The following YAP1 variants were observed in gnomAD, a reference collection of about 807,000 sequenced individuals.
YAP1 encodes Yes1 associated transcriptional regulator.
A neutral mutation model predicts 56.9 loss-of-function variants in YAP1; 5 were observed. The observed-to-expected ratio is 0.09, with a 90% CI of 0.05 to 0.18. The LOEUF (loss-of-function observed/expected upper bound fraction) is 0.18. Ranked by LOEUF, YAP1 falls within the 10% of genes least tolerant of loss-of-function variation. YAP1 has a pLI of 1.00. For missense variants in YAP1, 539 were observed against 651.8 expected (o/e 0.83, Z 1.88); for synonymous variants, 265 against 248.1 (o/e 1.07, Z -0.64).
intron 2 of YAP1, among the ~76,000 whole-genome samples, chr11:102,121,512 A>G (rs1228378503): frequency 6.6e-6 from 1 of 151,942 alleles, no homozygotes; most frequent in African/African-American, 2.4e-5. Flanking sequence ...AGCGTGATGC[A>G]ATCCTGCAAT....
chr11:102,180,698 AAAAAG>A (rs1947552003), intron 3 of YAP1, among the ~76,000 whole-genome samples: 1 of 150,886 alleles, frequency 6.6e-6, no homozygotes, highest in East Asian at 1.9e-4. Context: ...AAAAAAAAAA[AAAAAG>A]AAGATCAAAA....
intron 2 of YAP1, among the ~76,000 whole-genome samples, chr11:102,119,498 T>C (rs1377055625): frequency 6.6e-6 from 1 of 152,044 alleles, no homozygotes; most frequent in Non-Finnish European, 1.5e-5. Flanking sequence ...AGTTTAAATG[T>C]AGCAGACTCA....
Position 102,161,883 on chromosome 11 carries a change from C to G in YAP1, c.573-573C>G, listed in dbSNP as rs376349438. Among the ~76,000 whole-genome samples the G allele has an allele frequency of 1.6e-4, 25 of 152,204 alleles. No individual in the cohort carries two copies. In the South Asian group the frequency reaches 2.5e-3, roughly 15 times the overall value. Reference sequence around the variant, plus strand: ...TAACAATTATGTAGAAAATGTTCAGCAAACATCAAAGGGCTTTGTGTAAGA... The same window carrying G: ...TAACAATTATGTAGAAAATGTTCAGGAAACATCAAAGGGCTTTGTGTAAGA... On this transcript the variant is annotated intron_variant, in intron 2 of 8. Transcript: ENST00000282441.
intron 2 of YAP1, among the ~76,000 whole-genome samples, chr11:102,121,575 A>G (rs1243588790): frequency 2.6e-5 from 4 of 152,062 alleles, no homozygotes; most frequent in African/African-American, 9.7e-5. Flanking sequence ...ATGCATCCAT[A>G]CTGTCTATGC....
chr11:102,184,103 A>G (rs1362219097), intron 3 of YAP1, among the ~76,000 whole-genome samples: 1 of 148,684 alleles, frequency 6.7e-6, no homozygotes, highest in Non-Finnish European at 1.5e-5. Context: ...AAAGAAAGCT[A>G]CAATGAGATC....
chr11:102,114,361 C>A lies in YAP1; in HGVS notation c.539C>A (p.Ala180Glu). ...CCTCTGCCAGCAGGTTGGGAGATGG[C>A]AAAGACATCTTCTGGTCAGAGATAC... ...DVPLPAGWEMAKTSSGQRYFL... is the reference protein window; with the variant it reads ...DVPLPAGWEMEKTSSGQRYFL... The change falls in exon 2 of 9, where the codon GCA becomes GAA. Residue 180 changes from alanine (A) to glutamate (E), a missense_variant. By Grantham distance (107) the Ala-to-Glu change is moderately radical (BLOSUM62 -1). This residue lies in a region of YAP1 where 414 missense variants were observed against 512.4 expected (regional missense o/e 0.81). Transcript: ENST00000282441. 1 of 1,613,960 alleles carries A rather than the reference C, an allele frequency of 6.2e-7. No individual in the cohort carries two copies.
intron 2 of YAP1, among the ~76,000 whole-genome samples, chr11:102,137,355 T>C (rs1944731870): frequency 1.3e-5 from 2 of 152,230 alleles, no homozygotes; most frequent in South Asian, 4.1e-4. Flanking sequence ...GTGAATGGAA[T>C]TAATATACTA....
rs764199826 is a variant in YAP1, at chr11:102,194,946, C to T, written c.802+8815C>T. 2.4e-4 allele frequency among the ~76,000 whole-genome samples: 37 copies of T among 151,814 alleles called. 1 individual carries two copies. The highest frequency in any genetic ancestry group is 2.1e-4 in the South Asian group (1 of 4,824). ...TTTTTAATTTTTAGTTTTTTAGAGA[C>T]GGTGTATCTCTGTGTTGCTCAGTCT... On this transcript the variant is annotated intron_variant, in intron 4 of 8. Transcript: ENST00000282441.
At chr11:102,183,950 G>T (rs1417528024) in intron 3 of YAP1, among the ~76,000 whole-genome samples, 1 of 150,496 alleles carries the variant, frequency 6.6e-6, no homozygotes, top group Admixed American at 6.6e-5. Flanking sequence ...AGTGGCGGGC[G>T]CCTGTAGTCC....
At chr11:102,164,568 G>A (rs748396329) in intron 3 of YAP1, among the ~76,000 whole-genome samples, 13 of 152,102 alleles carry the variant, frequency 8.5e-5, no homozygotes, top group African/African-American at 2.2e-4. Context: ...TAAGTATTTC[G>A]CGTCTAACAA....
chr11:102,146,964 A>G (rs1054472730), intron 2 of YAP1, among the ~76,000 whole-genome samples: 3 of 152,336 alleles, frequency 2.0e-5, no homozygotes, highest in Non-Finnish European at 1.5e-5. Flanking sequence ...AATAATAACA[A>G]TAATGATTAG....
At chr11:102,118,465 C>CT (rs199684037) in intron 2 of YAP1, among the ~76,000 whole-genome samples, 8 of 125,090 alleles carry the variant, frequency 6.4e-5, no homozygotes, top group African/African-American at 2.4e-4. Context: ...TCTTTCTTTC[C>CT]TTTTTTTTTT....
rs2033083 is a variant in YAP1 at position 102,113,897 on chromosome 11, C to T, written c.322-247C>T. 0.45 allele frequency among the ~76,000 whole-genome samples: 68,452 copies of T among 151,704 alleles called. 16,383 individuals carry two copies. Among genetic ancestry groups the T allele is most frequent in the Middle Eastern group, 0.57 (169 of 294 alleles). On this transcript the variant is annotated intron_variant, in intron 1 of 8. Coordinates refer to ENST00000282441, the MANE Select transcript of YAP1 (RefSeq NM_001130145.3). ...TTGCCCTTACATGTCTAGTGTGGAC[C>T]AGGGGAAATTCATTAGATGGACTGC...
At chr11:102,142,473 G>A (rs1223130301) in intron 2 of YAP1, among the ~76,000 whole-genome samples, 3 of 152,160 alleles carry the variant, frequency 2.0e-5, no homozygotes, top group African/African-American at 7.2e-5. Context: ...TTTTCTCTTA[G>A]CATGAAGACT....
chr11:102,111,112 C>G lies in YAP1; in HGVS notation c.264C>G (p.Leu88=). The G allele has an allele frequency of 6.2e-7, 1 of 1,613,438 alleles. No individual in the cohort carries two copies. The highest frequency in any genetic ancestry group is 1.1e-5 in the South Asian group (1 of 91,086). The change falls in exon 1 of 9, where the codon CTC becomes CTG. Residue 88 remains leucine, a synonymous_variant. Coordinates refer to ENST00000282441, the MANE Select transcript of YAP1 (RefSeq NM_001130145.3). ...ANVPQTVPMR[L]RKLPDSFFKP... ...TGCCCCAGACCGTGCCCATGAGGCT[C>G]CGGAAGCTGCCCGACTCCTTCTTCA...
At chr11:102,149,463 A>C (rs1490882851) in intron 2 of YAP1, among the ~76,000 whole-genome samples, 3 of 152,322 alleles carry the variant, frequency 2.0e-5, no homozygotes, top group East Asian at 3.9e-4. Context: ...TGAAAGAGGA[A>C]GGCAGATTTA....
At chr11:102,196,115 T>G (rs1432389699) in intron 4 of YAP1, among the ~76,000 whole-genome samples, 3 of 152,210 alleles carry the variant, frequency 2.0e-5, no homozygotes, top group African/African-American at 7.2e-5. Flanking sequence ...GTAACCACTT[T>G]GGAAAATAGA....
chr11:102,111,151 C>T lies in YAP1; in HGVS notation c.303C>T (p.Pro101=), dbSNP rs1382463206. 4 of 1,613,050 alleles carry T rather than the reference C, an allele frequency of 2.5e-6. No homozygotes were observed. The highest frequency in any genetic ancestry group is 1.6e-4 in the Middle Eastern group (1 of 6,062). ...ACTCCTTCTTCAAGCCGCCGGAGCC[C>T]AAATCCCACTCCCGACAGGTAACCT... The part of the protein sequence containing the change: ...LPDSFFKPPE[P]KSHSRQASTD... The change falls in exon 1 of 9, where the codon CCC becomes CCT. Residue 101 remains proline (P), a synonymous_variant. Coordinates refer to ENST00000282441, the MANE Select transcript of YAP1 (RefSeq NM_001130145.3).
chr11:102,184,076 C>CAAA lies in YAP1; in HGVS notation c.689-1925_689-1923dup, dbSNP rs1226783169. ...TGGGCGACAGAGCGAGACTCCGTCT[C>CAAA]AAAAAAAAAAAAAAAAAAAGAAAGC... On this transcript the variant is annotated intron_variant, in intron 3 of 8. Coordinates refer to ENST00000282441, the MANE Select transcript of YAP1 (RefSeq NM_001130145.3). 3.6e-4 allele frequency among the ~76,000 whole-genome samples: 17 copies of CAAA among 47,170 alleles called. No individual in the cohort carries two copies. In the East Asian group the frequency reaches 6.7e-3, roughly 19 times the overall value. 30.9% of individuals were successfully genotyped at this position (47,170 alleles called of 152,430 possible). A position where few individuals can be genotyped will look rare whatever the true frequency, so the allele number is the denominator to read the frequency against.
Sources: gnomAD v4.1 joint callset for allele counts (sites outside exome capture counted in the v4.1 genomes callset) on GRCh38, gnomAD v4.1.1 for gene constraint, gnomAD v4.1.1 regional missense constraint, MANE v1.5 for transcripts, NCBI Gene and HGNC (gene_info 2026-07-23, HGNC 2026-07-21) for gene names.